The following GOLPH3L variants were observed in gnomAD, a reference collection of about 807,000 sequenced individuals.
GOLPH3L encodes Golgi phosphoprotein 3-like.
A neutral mutation model predicts 30.3 loss-of-function variants in GOLPH3L; 22 were observed. The ratio of observed to expected loss-of-function variants is 0.73; its 90% confidence interval spans 0.52 to 1.04. The LOEUF (loss-of-function observed/expected upper bound fraction) is 1.04, where lower values mean the gene tolerates loss of function less well. Among genes scored for constraint, GOLPH3L ranks in the 50% least tolerant of loss-of-function variants. The pLI is 0.00. For synonymous variants in GOLPH3L, 120 were observed against 128.2 expected (o/e 0.94, Z 0.43); for missense variants, 303 against 345.8 (o/e 0.88, Z 0.98).
At chr1:150,652,596 G>A (rs772093259) in intron 4 of GOLPH3L, among the ~76,000 whole-genome samples, 4 of 151,890 alleles carry the variant, frequency 2.6e-5, no homozygotes, top group South Asian at 2.1e-4. Context: ...TTGAATCCAC[G>A]TGAACAAACA....
chr1:150,648,341 C>A lies in GOLPH3L; in HGVS notation c.838G>T (p.Ala280Ser), dbSNP rs754517107. The A allele has an allele frequency of 5.0e-6, 8 of 1,601,606 alleles. No homozygotes were observed. Among genetic ancestry groups the A allele is most frequent in the Non-Finnish European group, 6.8e-6 (8 of 1,171,976 alleles). ...CGGCTTTAAGATTTATTGAAGGCTG[C>A]CAGCACAGCCCAGATCATTTCTGTG... The part of the protein sequence containing the change: ...SATEMIWAVL[A>S]AFNKS The change falls in exon 5 of 5, where the codon GCA becomes TCA. Residue 280 changes from alanine to serine, a missense_variant. Coordinates refer to ENST00000271732, the MANE Select transcript of GOLPH3L (RefSeq NM_018178.6).
chr1:150,688,232 T>A (rs1196546603), intron 2 of GOLPH3L, among the ~76,000 whole-genome samples: 1 of 152,196 alleles, frequency 6.6e-6, no homozygotes, highest in African/African-American at 2.4e-5. Context: ...TACACTGTAT[T>A]TCACAATTTT....
Position 150,659,646 on chromosome 1 carries a change from C to CTG in GOLPH3L, c.430+2166_430+2167dup, listed in dbSNP as rs587724511. Among the ~76,000 whole-genome samples the CTG allele has an allele frequency of 2.7e-3, 415 of 152,170 alleles. 5 individuals carry two copies. Among genetic ancestry groups the CTG allele is most frequent in the Admixed American group, 4.3e-3 (65 of 15,266 alleles). On this transcript the variant is annotated intron_variant, in intron 4 of 4. Transcript: ENST00000271732. ...TGATTTCCCACTCCACACTATATTTCTGTGTGTGTGTGTCTTTAATTCCTC... is the reference window on the plus strand; with the variant it reads ...TGATTTCCCACTCCACACTATATTTCTGTGTGTGTGTGTGTCTTTAATTCCTC...
At chr1:150,653,286 CTTTTTTTTTTTA>C (rs1650165816) in intron 4 of GOLPH3L, among the ~76,000 whole-genome samples, 6 of 137,250 alleles carry the variant, frequency 4.4e-5, no homozygotes, top group Non-Finnish European at 1.6e-5. Flanking sequence ...TGGTATAAAT[CTTTTTTTTTTTA>C]TTTTTTTTTT....
intron 4 of GOLPH3L, among the ~76,000 whole-genome samples, chr1:150,649,326 G>A (rs142718394): frequency 9.8e-5 from 15 of 152,336 alleles, no homozygotes; most frequent in Non-Finnish European, 1.6e-4. Context: ...GGAGAAGTGG[G>A]CCCTTGTGCA....
chr1:150,663,612 G>A lies in GOLPH3L; in HGVS notation c.315+20C>T, dbSNP rs905736637. On this transcript the variant is annotated intron_variant, in intron 3 of 4. Coordinates refer to ENST00000271732, the MANE Select transcript of GOLPH3L (RefSeq NM_018178.6). ...ATTTGCCTTTCCATAAGCCATGGAC[G>A]TTCACAGAGGATTCAGTACCTTTCT... 3.8e-6 allele frequency: 6 copies of A among 1,595,062 alleles called. No homozygotes were observed. The highest frequency in any genetic ancestry group is 5.1e-6 in the Non-Finnish European group (6 of 1,166,968).
intron 2 of GOLPH3L, among the ~76,000 whole-genome samples, chr1:150,689,390 T>C (rs922408128): frequency 2.6e-5 from 4 of 152,188 alleles, no homozygotes; most frequent in Non-Finnish European, 5.9e-5. Flanking sequence ...TAAAACACTG[T>C]TCATGAGTTA....
chr1:150,667,595 CTT>C (rs200372559), intron 2 of GOLPH3L, among the ~76,000 whole-genome samples: 47,001 of 133,506 alleles, frequency 0.35, 7,212 homozygotes, highest in South Asian at 0.5. Context: ...TTTTTTCTTT[CTT>C]TTTTTTTTTT....
intron 2 of GOLPH3L, among the ~76,000 whole-genome samples, chr1:150,670,399 C>A: frequency 6.6e-6 from 1 of 152,118 alleles, no homozygotes; most frequent in Non-Finnish European, 1.5e-5. Flanking sequence ...AGATCGAGAC[C>A]ATCCTGGCTA....
At chr1:150,676,080 C>T (rs1289145057) in intron 2 of GOLPH3L, among the ~76,000 whole-genome samples, 1 of 150,186 alleles carries the variant, frequency 6.7e-6, no homozygotes, top group Admixed American at 6.7e-5. Flanking sequence ...CTCAAACAAT[C>T]GTCTGGCCTC....
chr1:150,658,077 A>C (rs587607337), intron 4 of GOLPH3L, among the ~76,000 whole-genome samples: 53 of 152,378 alleles, frequency 3.5e-4, no homozygotes, highest in African/African-American at 9.6e-4. Flanking sequence ...GATACCATCA[A>C]GACATCTGAA....
At chr1:150,661,957 T>G in intron 3 of GOLPH3L, 29 bp from the exon 4 acceptor site, 23 of 922,140 alleles carry the variant, frequency 2.5e-5, no homozygotes, top group Non-Finnish European at 3.8e-5. Context: ...GAAGGAACCC[T>G]GATTCCTTCA....
chr1:150,686,608 T>C (rs1266601544), intron 2 of GOLPH3L, among the ~76,000 whole-genome samples: 1 of 152,156 alleles, frequency 6.6e-6, no homozygotes, highest in Non-Finnish European at 1.5e-5. Context: ...GATTAAACAA[T>C]AGAAACTGCA....
chr1:150,662,012 T>C, intron 3 of GOLPH3L, 84 bp from the exon 4 acceptor site: 1 of 740,520 alleles, frequency 1.4e-6, no homozygotes, highest in Non-Finnish European at 2.5e-6. Context: ...TATATGTTAC[T>C]GGTTAAAAAT....
At chr1:150,652,253 C>T (rs1650118851) in intron 4 of GOLPH3L, among the ~76,000 whole-genome samples, 2 of 151,392 alleles carry the variant, frequency 1.3e-5, no homozygotes, top group African/African-American at 2.4e-5. Context: ...TGGTGGCATG[C>T]ACTTGTAGTC....
chr1:150,656,910 A>G (rs764681257), intron 4 of GOLPH3L, among the ~76,000 whole-genome samples: 2 of 152,208 alleles, frequency 1.3e-5, no homozygotes, highest in African/African-American at 4.8e-5. Flanking sequence ...ATTTAAACCA[A>G]TTGAAGGTGC....
At chr1:150,694,879 A>G (rs767453641) in intron 1 of GOLPH3L, 29 bp from the exon 2 acceptor site, 12 of 1,238,328 alleles carry the variant, frequency 9.7e-6, no homozygotes, top group African/African-American at 7.5e-5. Flanking sequence ...AAAAAAATCC[A>G]TATGTATGCT....
At chr1:150,652,323 T>C (rs1184309499) in intron 4 of GOLPH3L, among the ~76,000 whole-genome samples, 4 of 128,870 alleles carry the variant, frequency 3.1e-5, no homozygotes, top group Admixed American at 2.0e-4. Flanking sequence ...GGAGGTTGCA[T>C]TGAGCTGAGA....
At chr1:150,683,134 G>A (rs1328211709) in intron 2 of GOLPH3L, among the ~76,000 whole-genome samples, 1 of 152,160 alleles carries the variant, frequency 6.6e-6, no homozygotes, top group African/African-American at 2.4e-5. Context: ...GGGTGCAGTG[G>A]CTCATGCCTA....
Sources: gnomAD v4.1 joint callset for allele counts (sites outside exome capture counted in the v4.1 genomes callset) on GRCh38, gnomAD v4.1.1 for gene constraint, MANE v1.5 for transcripts, NCBI Gene and HGNC (gene_info 2026-07-23, HGNC 2026-07-21) for gene names.